TPRG1: variants seen among roughly 807,000 people sequenced by gnomAD.
The protein encoded by TPRG1 is tumor protein p63-regulated gene 1 protein.
TPRG1 carries 29 observed loss-of-function variants against 29.3 expected under a neutral mutation model. That is an observed-to-expected ratio of 0.99 (90% CI 0.74 to 1.35). The LOEUF (loss-of-function observed/expected upper bound fraction) is 1.35. TPRG1 is among the 40% of genes most tolerant of loss of function. TPRG1 has a pLI of 0.00. For missense variants in TPRG1, 327 were observed against 335.0 expected, an observed-to-expected ratio of 0.98 and a Z score of 0.19; for synonymous variants, 130 against 116.8, an observed-to-expected ratio of 1.11 and a Z score of -0.73.
chr3:189,202,368 G>A (rs1249885978), intron 1 of TPRG1, among the ~76,000 whole-genome samples: 2 of 152,016 alleles, frequency 1.3e-5, no homozygotes, highest in East Asian at 3.9e-4. Flanking sequence ...ACCTCAAATG[G>A]GAAATGGGAG....
intron 4 of TPRG1, among the ~76,000 whole-genome samples, chr3:189,064,470 A>G (rs1265929616): frequency 6.6e-6 from 1 of 152,192 alleles, no homozygotes; most frequent in Non-Finnish European, 1.5e-5. Flanking sequence ...TTTCTTTCAC[A>G]AAAGATTAGA....
intron 1 of TPRG1, among the ~76,000 whole-genome samples, chr3:189,196,252 G>A (rs1296819383): frequency 6.6e-6 from 1 of 152,102 alleles, no homozygotes; most frequent in Non-Finnish European, 1.5e-5. Context: ...CAGCCCTGTT[G>A]GATTTTATCA....
chr3:189,056,669 G>T (rs955688969), intron 4 of TPRG1, among the ~76,000 whole-genome samples: 6 of 152,150 alleles, frequency 3.9e-5, no homozygotes, highest in African/African-American at 1.4e-4. Context: ...CCATGAAAGT[G>T]CCTAGTATAG....
At chr3:189,081,277 A>C (rs1717575987) in intron 4 of TPRG1, among the ~76,000 whole-genome samples, 1 of 152,078 alleles carries the variant, frequency 6.6e-6, no homozygotes, top group Non-Finnish European at 1.5e-5. Flanking sequence ...GGGGAGAGGG[A>C]TTGTTGAGAG....
Position 189,069,046 on chromosome 3 carries a change from T to C in TPRG1, c.-463+45100T>C, listed in dbSNP as rs116155383. Among the ~76,000 whole-genome samples the C allele has an allele frequency of 1.1e-3, 162 of 152,350 alleles. 1 individual carries two copies. The highest frequency in any genetic ancestry group is 3.8e-3 in the African/African-American group (157 of 41,578). ...AGACCTATGTTTACACAAAAACCTG[T>C]ATATGAATATTTATAGATGCTTTAT... On this transcript the variant is annotated intron_variant, in intron 4 of 10. Coordinates refer to the TPRG1 transcript ENST00000433971.
chr3:189,057,329 T>A (rs1225226494), intron 4 of TPRG1, among the ~76,000 whole-genome samples: 2 of 152,132 alleles, frequency 1.3e-5, no homozygotes, highest in African/African-American at 4.8e-5. Flanking sequence ...TAGAAAATAT[T>A]CCCTCTGGGC....
chr3:189,235,234 T>TTCC (rs1553928312), intron 3 of TPRG1, among the ~76,000 whole-genome samples: 8 of 148,476 alleles, frequency 5.4e-5, no homozygotes, highest in Non-Finnish European at 1.2e-4. Flanking sequence ...TTTTTTTTTT[T>TTCC]CCAAAGGATC....
chr3:189,019,186 A>G (rs1713139679), intron 3 of TPRG1, among the ~76,000 whole-genome samples: 1 of 151,260 alleles, frequency 6.6e-6, no homozygotes, highest in Non-Finnish European at 1.5e-5. Context: ...AACAGGGACA[A>G]TTTGACTTCC....
intron 4 of TPRG1, among the ~76,000 whole-genome samples, chr3:189,267,265 C>T (rs1374730090): frequency 6.6e-6 from 1 of 152,122 alleles, no homozygotes; most frequent in East Asian, 1.9e-4. Context: ...ACCATCTAGC[C>T]TTGTGTAGGG....
chr3:189,197,001 G>A (rs373241206), intron 1 of TPRG1, among the ~76,000 whole-genome samples: 1 of 152,216 alleles, frequency 6.6e-6, no homozygotes, highest in Non-Finnish European at 1.5e-5. Flanking sequence ...AGAACATGTG[G>A]TTGTGGAATG....
At chr3:189,084,126 G>T (rs978080098) in intron 4 of TPRG1, among the ~76,000 whole-genome samples, 1 of 151,822 alleles carries the variant, frequency 6.6e-6, no homozygotes, top group African/African-American at 2.4e-5. Context: ...ACTCCAGCCT[G>T]GGTGACAGAG....
intron 2 of TPRG1, among the ~76,000 whole-genome samples, chr3:189,128,834 A>G (rs576595593): frequency 3.8e-4 from 58 of 152,242 alleles, no homozygotes; most frequent in African/African-American, 1.4e-3. Context: ...CAAGGGCGCA[A>G]TCTCGGCTCA....
intron 2 of TPRG1, among the ~76,000 whole-genome samples, chr3:189,127,577 G>A (rs770485149): frequency 6.6e-6 from 1 of 152,128 alleles, no homozygotes; most frequent in Non-Finnish European, 1.5e-5. Context: ...CACAACCTTT[G>A]TCCTTAAGAC....
At chr3:189,061,942 A>G (rs969016958) in intron 4 of TPRG1, among the ~76,000 whole-genome samples, 23 of 152,166 alleles carry the variant, frequency 1.5e-4, no homozygotes, top group African/African-American at 4.8e-4. Context: ...CTGGGTATAC[A>G]CCTAGAGGAA....
chr3:189,057,921 A>G (rs1277130626), intron 4 of TPRG1, among the ~76,000 whole-genome samples: 2 of 149,716 alleles, frequency 1.3e-5, no homozygotes, highest in African/African-American at 4.9e-5. Flanking sequence ...TATATCTTGT[A>G]TATATGAATA....
rs139306994 is a variant in TPRG1, at chr3:189,296,084, G to A, written c.480-14302G>A. Among the ~76,000 whole-genome samples the A allele has an allele frequency of 5.7e-3, 873 of 152,232 alleles. 9 individuals carry two copies. Among genetic ancestry groups the A allele is most frequent in the African/African-American group, 0.018 (768 of 41,528 alleles). ...ATGATGAGTTGGTAAGTCAATGCTG[G>A]TCTTACCAGGACAGAACAAACTCAA... On this transcript the variant is annotated intron_variant, in intron 4 of 5. Transcript: ENST00000345063.
intron 3 of TPRG1, among the ~76,000 whole-genome samples, chr3:189,233,230 TTAAAA>T (rs201282178): frequency 0.011 from 1,699 of 151,964 alleles, 37 homozygotes; most frequent in African/African-American, 0.033. Context: ...GAGAATAATA[TTAAAA>T]TAAAATCTTT....
intron 5 of TPRG1, among the ~76,000 whole-genome samples, chr3:189,157,172 G>T (rs1726800982): frequency 6.6e-6 from 1 of 152,192 alleles, no homozygotes; most frequent in Non-Finnish European, 1.5e-5. Flanking sequence ...GCTTCGCCTT[G>T]CTATTTGTTA....
chr3:189,317,832 A>T (rs1723786614), intron 5 of TPRG1, among the ~76,000 whole-genome samples: 1 of 152,186 alleles, frequency 6.6e-6, no homozygotes, highest in East Asian at 1.9e-4. Context: ...TTTAAAGTGC[A>T]CTTGTATGTG....
Sources: allele counts gnomAD v4.1 joint callset (sites outside exome capture counted in the v4.1 genomes callset), GRCh38; gene constraint gnomAD v4.1.1; transcripts MANE v1.5; gene names NCBI Gene and HGNC (gene_info 2026-07-23, HGNC 2026-07-21).